OSBPL1A: variants seen among roughly 807,000 people sequenced by gnomAD.
OSBPL1A encodes oxysterol-binding protein-related protein 1.
A neutral mutation model predicts 137.1 loss-of-function variants in OSBPL1A; 80 were observed. The ratio of observed to expected loss-of-function variants is 0.58; its 90% confidence interval spans 0.49 to 0.70. The LOEUF (loss-of-function observed/expected upper bound fraction) is 0.70, where lower values mean the gene tolerates loss of function less well. OSBPL1A is among the 30% of genes least tolerant of loss of function. The pLI is 0.00. For synonymous variants in OSBPL1A, 365 were observed against 389.7 expected (o/e 0.94, Z 0.75); for missense variants, 970 against 1,129.4 (o/e 0.86, Z 2.02).
intron 4 of OSBPL1A, chr18:24,358,067 A>C (rs2091565519): frequency 5.4e-6 from 1 of 184,092 alleles, no homozygotes; most frequent in African/African-American, 2.3e-5. Context: ...CAGCAGAAAA[A>C]AGTAGGGCTG....
chr18:24,321,464 T>C (rs185736134), intron 7 of OSBPL1A, among the ~76,000 whole-genome samples: 10 of 152,298 alleles, frequency 6.6e-5, no homozygotes, highest in Admixed American at 6.5e-4. Flanking sequence ...ACCTGGCTAA[T>C]TTTTGTATTT....
At chr18:24,391,570 A>T (rs916174391) in intron 1 of OSBPL1A, among the ~76,000 whole-genome samples, 7 of 151,294 alleles carry the variant, frequency 4.6e-5, no homozygotes, top group African/African-American at 1.7e-4. Context: ...CAAAAAAAAA[A>T]AAAAAATTAA....
chr18:24,334,468 T>C, intron 5 of OSBPL1A, 138 bp from the exon 6 acceptor site: 1 of 558,630 alleles, frequency 1.8e-6, no homozygotes, highest in Admixed American at 3.9e-5. Context: ...TTTATTGTTA[T>C]TACCTTACAA....
chr18:24,328,866 T>C (rs1354627243), intron 7 of OSBPL1A, among the ~76,000 whole-genome samples: 1 of 152,236 alleles, frequency 6.6e-6, no homozygotes, highest in African/African-American at 2.4e-5. Flanking sequence ...CGATTATATG[T>C]TGAAATGGCA....
intron 17 of OSBPL1A, among the ~76,000 whole-genome samples, chr18:24,210,181 C>G (rs2087492039): frequency 6.6e-6 from 1 of 152,146 alleles, no homozygotes; most frequent in South Asian, 2.1e-4. Flanking sequence ...AATCCTAGCA[C>G]TTTGGGAGGC....
intron 17 of OSBPL1A, among the ~76,000 whole-genome samples, chr18:24,220,522 GC>G (rs1181477498): frequency 6.6e-6 from 1 of 152,128 alleles, no homozygotes; most frequent in African/African-American, 2.4e-5. Context: ...GTTCCCTCCA[GC>G]CCCCAGCCCT....
In OSBPL1A at chr18:24,290,543, C is replaced by T. The variant is rs566972806; in HGVS notation, c.1175-9595G>A. 8.5e-5 allele frequency among the ~76,000 whole-genome samples: 13 copies of T among 152,198 alleles called. No individual in the cohort carries two copies. The South Asian group carries it at 2.1e-3, about 24-fold the overall frequency. ...TAAAAATACAAAAGTATTACCCAGA[C>T]GTGGCAGTGTGTGCTTGTAGTCCCA... On this transcript the variant is annotated intron_variant, in intron 14 of 27. Coordinates refer to ENST00000319481, the MANE Select transcript of OSBPL1A (RefSeq NM_080597.4).
At position 24,171,461 on chromosome 18, in the gene OSBPL1A, C is replaced by T. The variant is rs2086284608; in HGVS notation, c.2239G>A (p.Gly747Ser). The change falls in exon 23 of 28, where the codon GGC (glycine) becomes AGC (serine). Residue 747 changes from glycine (G) to serine (S), a missense_variant. Transcript: ENST00000319481. ...DKCVLNFKPC[G>S]LFGKELHKVE... ...TTGTGTAATTCCTTACCAAAAAGGC[C>T]ACATGGCTTAAAATTCAACACACAT... The T allele has an allele frequency of 2.5e-6, 4 of 1,613,456 alleles. No individual in the cohort carries two copies. The highest frequency in any genetic ancestry group is 1.7e-5 in the Admixed American group (1 of 59,986).
In OSBPL1A at chr18:24,239,249, C is replaced by G. The variant is rs145395306; in HGVS notation, c.1415G>C (p.Ser472Thr). 1.9e-6 allele frequency: 3 copies of G among 1,614,044 alleles called. No homozygotes were observed. Among genetic ancestry groups the G allele is most frequent in the Non-Finnish European group, 2.5e-6 (3 of 1,179,966 alleles). Residue 472 changes from serine (S) to threonine (T), a missense_variant, in exon 16 of 28, where the codon AGC (serine) becomes ACC (threonine). Transcript: ENST00000319481. ...VKGSPPASIL[S>T]EDEFYDALSD... ...CAGCGCATCATAGAACTCGTCCTCGCTAAGGATGCTGGCGGGTGGAGAGCC... is the reference window on the plus strand; with the variant it reads ...CAGCGCATCATAGAACTCGTCCTCGGTAAGGATGCTGGCGGGTGGAGAGCC...
intron 15 of OSBPL1A, among the ~76,000 whole-genome samples, chr18:24,249,453 C>T (rs2089004559): frequency 6.6e-6 from 1 of 152,116 alleles, no homozygotes; most frequent in South Asian, 2.1e-4. Flanking sequence ...TCACAAGAAC[C>T]AAAAATCAGG....
intron 27 of OSBPL1A, among the ~76,000 whole-genome samples, chr18:24,164,420 GTTTTTTTT>G (rs35343209): frequency 1.0e-5 from 1 of 95,970 alleles, no homozygotes; most frequent in Non-Finnish European, 1.9e-5. Context: ...GAGATTTTTG[GTTTTTTTT>G]TTTTTTTTTT....
rs184358514 is a variant in OSBPL1A at position 24,303,655 on chromosome 18, C to G, written c.1156G>C (p.Glu386Gln). 2.5e-5 allele frequency: 41 copies of G among 1,613,250 alleles called. No individual in the cohort carries two copies. Among genetic ancestry groups the G allele is most frequent in the Middle Eastern group, 1.7e-4 (1 of 6,056 alleles). Reference protein sequence around the residue: ...EISNFLKMIKECDMAKEMLPS... With the variant: ...EISNFLKMIKQCDMAKEMLPS... ...TTTTTACCTTTAGCCATGTCACACT[C>G]CTTAATCATTTTGAGAAAGTTGGAA... The change falls in exon 14 of 28, where the codon GAG (glutamate) becomes CAG (glutamine). Residue 386 changes from glutamate (E) to glutamine (Q), a missense_variant. This residue lies in a region of OSBPL1A where 647 missense variants were observed against 672.6 expected (regional missense o/e 0.96). Coordinates refer to ENST00000319481, the MANE Select transcript of OSBPL1A (RefSeq NM_080597.4).
intron 14 of OSBPL1A, among the ~76,000 whole-genome samples, chr18:24,290,619 G>A (rs1054737478): frequency 3.9e-5 from 6 of 152,146 alleles, no homozygotes; most frequent in African/African-American, 1.2e-4. Context: ...GCAGGCGGAG[G>A]TTGCAGTGAG....
At chr18:24,283,811 T>A (rs1310316106) in intron 14 of OSBPL1A, among the ~76,000 whole-genome samples, 1 of 152,182 alleles carries the variant, frequency 6.6e-6, no homozygotes, top group Non-Finnish European at 1.5e-5. Flanking sequence ...CATCCTGTTT[T>A]TGTCTGTTTT....
chr18:24,224,963 A>G, intron 17 of OSBPL1A, 79 bp downstream of exon 17: 1 of 1,558,202 alleles, frequency 6.4e-7, no homozygotes, highest in Non-Finnish European at 8.7e-7. Flanking sequence ...AAATGAAGAC[A>G]AGACATATAT....
intron 15 of OSBPL1A, among the ~76,000 whole-genome samples, chr18:24,279,500 C>T (rs1036017599): frequency 1.3e-5 from 2 of 151,926 alleles, no homozygotes; most frequent in Non-Finnish European, 2.9e-5. Context: ...TAGATTTTTA[C>T]GTATTAGAGG....
At chr18:24,276,873 C>A (rs1374422825) in intron 15 of OSBPL1A, among the ~76,000 whole-genome samples, 4 of 152,188 alleles carry the variant, frequency 2.6e-5, no homozygotes, top group Non-Finnish European at 5.9e-5. Context: ...CACCCACATA[C>A]CACAGAAATA....
chr18:24,324,880 G>C (rs1183082286), intron 7 of OSBPL1A, among the ~76,000 whole-genome samples: 2 of 151,468 alleles, frequency 1.3e-5, no homozygotes, highest in Non-Finnish European at 2.9e-5. Context: ...GAGATCAAGA[G>C]ATCGAGACCA....
At chr18:24,239,825 C>T (rs1204070682) in intron 15 of OSBPL1A, among the ~76,000 whole-genome samples, 1 of 151,950 alleles carries the variant, frequency 6.6e-6, no homozygotes, top group Admixed American at 6.6e-5. Flanking sequence ...AATATAATCC[C>T]TCAGTTTACT....
Sources: gnomAD v4.1 joint callset for allele counts (sites outside exome capture counted in the v4.1 genomes callset) on GRCh38, gnomAD v4.1.1 for gene constraint, gnomAD v4.1.1 regional missense constraint, MANE v1.5 for transcripts, NCBI Gene and HGNC (gene_info 2026-07-23, HGNC 2026-07-21) for gene names.